DPY19L1: variants seen among roughly 807,000 people sequenced by gnomAD.
DPY19L1 encodes dpy-19 like C-mannosyltransferase 1, also known as protein C-mannosyl-transferase DPY19L1.
In DPY19L1, 35 loss-of-function variants were observed where a neutral mutation model predicts 96.9. The ratio of observed to expected loss-of-function variants is 0.36; its 90% CI spans 0.28 to 0.48. DPY19L1 has a LOEUF of 0.48. Ranked by LOEUF, DPY19L1 falls within the 20% of genes least tolerant of loss-of-function variation. The pLI is 0.99. For synonymous variants in DPY19L1, 205 were observed against 252.6 expected (o/e 0.81, Z 1.79); for missense variants, 521 against 777.9 (o/e 0.67, Z 3.93).
At chr7:35,017,589 G>C (rs939135471) in intron 3 of DPY19L1, among the ~76,000 whole-genome samples, 12 of 151,134 alleles carry the variant, frequency 7.9e-5, no homozygotes, top group Non-Finnish European at 1.6e-4. Context: ...GGAGAATGGC[G>C]TGAACCTGGG....
chr7:35,022,571 C>G (rs1231008597), intron 1 of DPY19L1, among the ~76,000 whole-genome samples: 1 of 152,204 alleles, frequency 6.6e-6, no homozygotes, highest in African/African-American at 2.4e-5. Context: ...TTACTAGACT[C>G]TTGTTTAAAC....
intron 1 of DPY19L1, among the ~76,000 whole-genome samples, chr7:35,024,476 G>A (rs572727810): frequency 6.6e-6 from 1 of 152,146 alleles, no homozygotes; most frequent in African/African-American, 2.4e-5. Context: ...TGCCCCACAA[G>A]TACAATCCAT....
At chr7:34,942,494 A>T in intron 17 of DPY19L1, 121 bp downstream of exon 17, 1 of 767,818 alleles carries the variant, frequency 1.3e-6, no homozygotes, top group South Asian at 1.6e-5. Context: ...AACACATAAC[A>T]GGCTATTTTC....
chr7:35,020,092 C>A (rs1259951061), intron 1 of DPY19L1, among the ~76,000 whole-genome samples: 4 of 152,066 alleles, frequency 2.6e-5, no homozygotes, highest in African/African-American at 9.7e-5. Context: ...ATGATCACAC[C>A]ACTGTACTCT....
intron 7 of DPY19L1, among the ~76,000 whole-genome samples, chr7:34,974,435 C>A (rs543189503): frequency 6.6e-6 from 1 of 152,136 alleles, no homozygotes; most frequent in Admixed American, 6.5e-5. Flanking sequence ...CCTATATTTT[C>A]GCTGTACCTC....
intron 21 of DPY19L1, among the ~76,000 whole-genome samples, chr7:34,936,963 T>G (rs982143517): frequency 6.6e-6 from 1 of 152,256 alleles, no homozygotes; most frequent in Admixed American, 6.5e-5. Flanking sequence ...AGTTACAGAA[T>G]AGTAAGAATT....
At chr7:34,932,236 C>G (rs911325807) in intron 21 of DPY19L1, among the ~76,000 whole-genome samples, 2 of 152,174 alleles carry the variant, frequency 1.3e-5, no homozygotes, top group African/African-American at 4.8e-5. Context: ...TGTATAGATG[C>G]TCCTCAACTT....
chr7:34,970,650 TA>T (rs1784706175), intron 8 of DPY19L1, among the ~76,000 whole-genome samples: 1 of 152,296 alleles, frequency 6.6e-6, no homozygotes, highest in East Asian at 1.9e-4. Context: ...TTTTGAATAC[TA>T]AATATGATTT....
At chr7:35,023,512 C>T (rs1384292681) in intron 1 of DPY19L1, among the ~76,000 whole-genome samples, 1 of 152,206 alleles carries the variant, frequency 6.6e-6, no homozygotes, top group African/African-American at 2.4e-5. Context: ...AAAAAAATTA[C>T]TTTTTTTCCT....
At chr7:34,973,816 C>CA (rs201982372) in intron 7 of DPY19L1, among the ~76,000 whole-genome samples, 1,792 of 152,052 alleles carry the variant, frequency 0.012, 27 homozygotes, top group African/African-American at 0.039. Flanking sequence ...TCATGTAAAG[C>CA]ATTAATATCA....
chr7:34,962,844 G>A (rs968594358), intron 10 of DPY19L1, among the ~76,000 whole-genome samples: 3 of 152,118 alleles, frequency 2.0e-5, no homozygotes, highest in African/African-American at 7.2e-5. Flanking sequence ...AGAGGGGTAG[G>A]TTGTGCATGG....
chr7:34,934,857 C>T (rs1471401865), intron 21 of DPY19L1, among the ~76,000 whole-genome samples: 1 of 152,198 alleles, frequency 6.6e-6, no homozygotes, highest in Admixed American at 6.5e-5. Flanking sequence ...TCCTAACAGG[C>T]CACAGACCAG....
chr7:34,939,198 A>G, intron 20 of DPY19L1, 78 bp downstream of exon 20: 1 of 1,269,252 alleles, frequency 7.9e-7, no homozygotes, highest in South Asian at 1.4e-5. Context: ...AACATTCCTT[A>G]TTACTTTGCT....
chr7:34,956,983 C>T (rs1190015998), intron 11 of DPY19L1, among the ~76,000 whole-genome samples: 2 of 152,140 alleles, frequency 1.3e-5, no homozygotes, highest in African/African-American at 4.8e-5. Context: ...GAAACTAAAG[C>T]ACATGTACTT....
intron 1 of DPY19L1, among the ~76,000 whole-genome samples, chr7:35,034,400 A>T (rs1169612319): frequency 6.6e-6 from 1 of 152,234 alleles, no homozygotes; most frequent in Non-Finnish European, 1.5e-5. Context: ...TGTGGTCAAA[A>T]AAGTTTGGGA....
chr7:34,951,452 A>C (rs1052176650), intron 13 of DPY19L1, among the ~76,000 whole-genome samples: 2 of 152,086 alleles, frequency 1.3e-5, no homozygotes, highest in African/African-American at 4.8e-5. Context: ...AATACCTAGA[A>C]ATTGCTTTAA....
chr7:34,956,191 A>G (rs767936254), intron 11 of DPY19L1, among the ~76,000 whole-genome samples: 13 of 152,224 alleles, frequency 8.5e-5, no homozygotes, highest in African/African-American at 1.2e-4. Flanking sequence ...TTTTATTTGT[A>G]TGTAATATTC....
At chr7:35,030,773 TCTG>T (rs1197180144) in intron 1 of DPY19L1, among the ~76,000 whole-genome samples, 1 of 152,178 alleles carries the variant, frequency 6.6e-6, no homozygotes, top group Non-Finnish European at 1.5e-5. Flanking sequence ...AATAAATTAT[TCTG>T]CTTTTTAAAT....
chr7:34,985,956 C>T (rs1248090279), intron 7 of DPY19L1, among the ~76,000 whole-genome samples: 19 of 151,762 alleles, frequency 1.3e-4, no homozygotes, highest in African/African-American at 7.3e-5. Flanking sequence ...ACATACACAA[C>T]GGAATATGAC....
Sources: allele counts gnomAD v4.1 joint callset (sites outside exome capture counted in the v4.1 genomes callset), GRCh38; gene constraint gnomAD v4.1.1; transcripts MANE v1.5; gene names NCBI Gene and HGNC (gene_info 2026-07-23, HGNC 2026-07-21).